RTTN: variants seen among roughly 807,000 people sequenced by gnomAD.
The protein encoded by RTTN is rotatin.
RTTN carries 182 observed loss-of-function variants against 269.2 expected under a neutral mutation model. The ratio of observed to expected loss-of-function variants is 0.68; its 90% CI spans 0.60 to 0.76. The LOEUF (loss-of-function observed/expected upper bound fraction) is 0.76. RTTN is among the 30% of genes least tolerant of loss of function. The pLI is 0.00. For missense variants in RTTN, 2,545 were observed against 2,608.6 expected, an observed-to-expected ratio of 0.98 and a Z score of 0.53; for synonymous variants, 1,006 against 963.5, an observed-to-expected ratio of 1.04 and a Z score of -0.82.
At position 70,173,519 on chromosome 18, in the gene RTTN, G is replaced by C. The variant is rs552705939; in HGVS notation, c.1476+3156C>G. ...AAAAAAAAAAAAAAAAAAGAAAATA[G>C]AGTTTGGACTATATGCTCTACAGAA... On this transcript the variant is annotated intron_variant, in intron 11 of 48. Coordinates refer to ENST00000640769, the MANE Select transcript of RTTN (RefSeq NM_173630.4). Among the ~76,000 whole-genome samples, 22 of 147,864 alleles carry C rather than the reference G, an allele frequency of 1.5e-4. No individual in the cohort carries two copies. The East Asian group carries it at 3.9e-3, about 26-fold the overall frequency.
intron 14 of RTTN, among the ~76,000 whole-genome samples, chr18:70,151,139 A>T (rs1298959730): frequency 1.3e-5 from 2 of 148,222 alleles, no homozygotes; most frequent in Non-Finnish European, 3.0e-5. Flanking sequence ...ACATAACTTT[A>T]TATACTATAT....
chr18:70,139,357 T>C (rs1304819380), intron 21 of RTTN, among the ~76,000 whole-genome samples: 1 of 152,200 alleles, frequency 6.6e-6, no homozygotes, highest in Non-Finnish European at 1.5e-5. Flanking sequence ...GACATCTACA[T>C]CAAGGCACAA....
intron 1 of RTTN, 144 bp from the exon 2 acceptor site, chr18:70,205,459 C>G: frequency 7.3e-7 from 1 of 1,361,866 alleles, no homozygotes; most frequent in Non-Finnish European, 1.0e-6. Context: ...ACGCGAACCG[C>G]GAAGTTTACA....
At chr18:70,106,483 T>A (rs939545837) in intron 28 of RTTN, among the ~76,000 whole-genome samples, 3 of 152,224 alleles carry the variant, frequency 2.0e-5, no homozygotes, top group Non-Finnish European at 4.4e-5. Flanking sequence ...AGAAAAGGTT[T>A]ACTAAATGAA....
chr18:70,128,210 A>C, intron 24 of RTTN, 148 bp downstream of exon 24: 1 of 621,700 alleles, frequency 1.6e-6, no homozygotes, highest in Non-Finnish European at 2.8e-6. Context: ...TGTAATATTT[A>C]AAAGAAAGTA....
intron 40 of RTTN, among the ~76,000 whole-genome samples, chr18:70,039,709 TAG>T (rs1270633173): frequency 1.3e-5 from 2 of 152,156 alleles, no homozygotes; most frequent in Non-Finnish European, 2.9e-5. Flanking sequence ...TTATCTTAAG[TAG>T]AGAGTCTAAA....
chr18:70,027,895 T>C (rs1198152212), intron 43 of RTTN, among the ~76,000 whole-genome samples: 1 of 152,164 alleles, frequency 6.6e-6, no homozygotes, highest in Non-Finnish European at 1.5e-5. Flanking sequence ...ATTTTCCAGA[T>C]GTGGTATGGT....
chr18:70,166,955 G>A lies in RTTN; in HGVS notation c.1766C>T (p.Pro589Leu), dbSNP rs199910005. 711 of 1,612,956 alleles carry A rather than the reference G, an allele frequency of 4.4e-4. 4 individuals are homozygous for A. The highest frequency in any genetic ancestry group is 1.2e-4 in the Non-Finnish European group (145 of 1,179,332). The change falls in exon 13 of 49, where the codon CCG becomes CTG. Residue 589 changes from proline (P) to leucine (L), a missense_variant. Coordinates refer to ENST00000640769, the MANE Select transcript of RTTN (RefSeq NM_173630.4). ...LRSFSYHQHFPLIKEIISICS... is the reference protein window; with the variant it reads ...LRSFSYHQHFLLIKEIISICS... ...AATGCTGATGATTTCCTTTATTAGC[G>A]GGAAATGCTGATGATAGGAAAAGCT...
chr18:70,201,559 G>C (rs1369726897), intron 4 of RTTN, among the ~76,000 whole-genome samples: 1 of 115,596 alleles, frequency 8.7e-6, no homozygotes, highest in East Asian at 3.0e-4. Context: ...AGTGAGCCGA[G>C]ATCCCACCAC....
intron 28 of RTTN, among the ~76,000 whole-genome samples, chr18:70,106,792 T>TG (rs1476452843): frequency 6.6e-6 from 1 of 151,850 alleles, no homozygotes; most frequent in African/African-American, 2.4e-5. Context: ...ACCCACAGCA[T>TG]GAAAAAAAAA....
In RTTN at chr18:70,135,208, T is replaced by C. The variant is rs1378036167; in HGVS notation, c.2861A>G (p.Asp954Gly). 2 of 1,541,374 alleles carry C rather than the reference T, an allele frequency of 1.3e-6. No individual in the cohort carries two copies. Among genetic ancestry groups the C allele is most frequent in the Admixed American group, 2.4e-5 (1 of 41,662 alleles). The change falls in exon 22 of 49, where the codon GAT (aspartate) becomes GGT (glycine). Residue 954 changes from aspartate to glycine, a missense_variant. Asp to Gly is a moderately conservative substitution (Grantham distance 94). Transcript: ENST00000640769. The stretch of plus-strand genomic sequence containing the variant: ...CCACATATCCATTCTCGATACTTCA[T>C]CAAATAATAGAAGACAAAATAGTGC... ...VGALFCLLLF[D>G]EVSRMDMWSV... is the part of the protein sequence containing the mutation.
chr18:70,134,741 C>T (rs1599717084), intron 22 of RTTN, among the ~76,000 whole-genome samples, 200 bp from the exon 23 acceptor site: 1 of 152,036 alleles, frequency 6.6e-6, no homozygotes, highest in South Asian at 2.1e-4. Flanking sequence ...AAAAAAAATT[C>T]CACATAACAA....
chr18:70,121,354 C>T (rs151046466), intron 26 of RTTN, among the ~76,000 whole-genome samples: 2,539 of 152,262 alleles, frequency 0.017, 40 homozygotes, highest in Non-Finnish European at 0.025. Flanking sequence ...GACTGTAGGT[C>T]CCATTCACTG....
At chr18:70,201,857 C>G in intron 4 of RTTN, 37 bp downstream of exon 4, 1 of 1,299,350 alleles carries the variant, frequency 7.7e-7, no homozygotes, top group Non-Finnish European at 1.1e-6. Context: ...TTTCAACTTC[C>G]CAAGTCAACA....
At chr18:70,062,196 C>T (rs926311606) in intron 35 of RTTN, among the ~76,000 whole-genome samples, 1 of 152,144 alleles carries the variant, frequency 6.6e-6, no homozygotes, top group Non-Finnish European at 1.5e-5. Context: ...TGAAATGTAG[C>T]TGGATTAATT....
Position 70,065,167 on chromosome 18 carries a change from A to G in RTTN, c.4747+662T>C, listed in dbSNP as rs146981663. Among the ~76,000 whole-genome samples the G allele has an allele frequency of 7.4e-3, 1,116 of 151,768 alleles. 5 individuals carry two copies. The highest frequency in any genetic ancestry group is 0.011 in the Non-Finnish European group (776 of 67,920). On this transcript the variant is annotated intron_variant, in intron 35 of 48. Transcript: ENST00000640769. Reference sequence around the variant, plus strand: ...GAAAGTATTTTTTCTGCATATACTTATATGTATGCCAGTGTTTAAAATTAC... The same window carrying G: ...GAAAGTATTTTTTCTGCATATACTTGTATGTATGCCAGTGTTTAAAATTAC...
chr18:70,128,028 A>G (rs2059910212), intron 24 of RTTN: 2 of 440,258 alleles, frequency 4.5e-6, no homozygotes, highest in East Asian at 8.5e-5. Context: ...CATCACACTA[A>G]TGATAACACT....
intron 5 of RTTN, 125 bp downstream of exon 5, chr18:70,199,289 A>T: frequency 2.0e-6 from 1 of 498,870 alleles, no homozygotes; most frequent in Non-Finnish European, 3.4e-6. Context: ...AAAATCATTT[A>T]AATATGACCA....
At chr18:70,142,221 G>T in intron 19 of RTTN, 67 bp downstream of exon 19, 1 of 1,044,862 alleles carries the variant, frequency 9.6e-7, no homozygotes, top group Non-Finnish European at 1.5e-6. Flanking sequence ...ACTCCTGCCA[G>T]TACCATATGG....
Sources: allele counts gnomAD v4.1 joint callset (sites outside exome capture counted in the v4.1 genomes callset), GRCh38; gene constraint gnomAD v4.1.1; transcripts MANE v1.5; gene names NCBI Gene and HGNC (gene_info 2026-07-23, HGNC 2026-07-21).